The following DPP10 variants were observed in gnomAD, a reference collection of about 807,000 sequenced individuals.
DPP10 encodes the protein dipeptidyl peptidase like 10.
In DPP10, 33 loss-of-function variants were observed where a neutral mutation model predicts 120.9. That is an observed-to-expected ratio of 0.27 (90% CI 0.21 to 0.37). DPP10 has a LOEUF of 0.37. Among genes scored for constraint, DPP10 ranks in the 10% least tolerant of loss-of-function variants. The pLI is 1.00. For synonymous variants in DPP10, 337 were observed against 326.1 expected, an observed-to-expected ratio of 1.03 and a Z score of -0.36; for missense variants, 816 against 942.8, an observed-to-expected ratio of 0.87 and a Z score of 1.76.
chr2:115,659,899 CT>C (rs541474096), intron 5 of DPP10, among the ~76,000 whole-genome samples: 67 of 152,148 alleles, frequency 4.4e-4, no homozygotes, highest in Non-Finnish European at 7.9e-4. Context: ...TAAAATTTAT[CT>C]TTTTTTGTAT....
At chr2:114,527,388 G>T (rs2104705171) in intron 1 of DPP10, among the ~76,000 whole-genome samples, 1 of 152,210 alleles carries the variant, frequency 6.6e-6, no homozygotes, top group African/African-American at 2.4e-5. Flanking sequence ...CAGTCCAAAT[G>T]GGACTATTCC....
At chr2:115,117,548 C>A (rs143731834) in intron 1 of DPP10, among the ~76,000 whole-genome samples, 116 of 152,314 alleles carry the variant, frequency 7.6e-4, no homozygotes, top group African/African-American at 2.6e-3. Flanking sequence ...TTCAAGGCTG[C>A]AATGAGCTCA....
At chr2:114,684,119 G>A (rs1699214852) in intron 1 of DPP10, among the ~76,000 whole-genome samples, 1 of 151,946 alleles carries the variant, frequency 6.6e-6, no homozygotes. Context: ...ATTCCAGATA[G>A]GGAAGATTCT....
intron 3 of DPP10, among the ~76,000 whole-genome samples, chr2:115,420,315 C>T (rs1234725217): frequency 6.6e-6 from 1 of 152,082 alleles, no homozygotes; most frequent in Admixed American, 6.6e-5. Context: ...AATTTATTTT[C>T]CCCTTAATGT....
intron 1 of DPP10, among the ~76,000 whole-genome samples, chr2:115,191,160 C>G (rs2054854118): frequency 6.6e-6 from 1 of 152,122 alleles, no homozygotes. Context: ...TTTATCTGAC[C>G]ACGGGGAGGG....
At chr2:114,953,096 A>C (rs1697918346) in intron 1 of DPP10, among the ~76,000 whole-genome samples, 1 of 152,006 alleles carries the variant, frequency 6.6e-6, no homozygotes, top group Non-Finnish European at 1.5e-5. Flanking sequence ...TGTAAATACC[A>C]TTAAAATATT....
chr2:115,282,943 TA>T (rs987681351), intron 1 of DPP10, among the ~76,000 whole-genome samples: 4 of 152,100 alleles, frequency 2.6e-5, no homozygotes, highest in African/African-American at 9.7e-5. Context: ...TTGCTTTTTT[TA>T]AAAAAAGTCC....
At position 114,482,066 on chromosome 2, in the gene DPP10, T is replaced by A. The variant is rs567827982; in HGVS notation, c.60+39228T>A. Reference sequence around the variant, plus strand: ...ACCAGATCTCATGAGAACTCTAGCATGAGAACAGCATGGCATGATCCAGTC... The same window carrying A: ...ACCAGATCTCATGAGAACTCTAGCAAGAGAACAGCATGGCATGATCCAGTC... On this transcript the variant is annotated intron_variant, in intron 1 of 25. Coordinates refer to ENST00000410059, the MANE Select transcript of DPP10 (RefSeq NM_020868.6). Among the ~76,000 whole-genome samples, 28 of 151,394 alleles carry A rather than the reference T, an allele frequency of 1.8e-4. No homozygotes were observed. In the South Asian group the frequency reaches 5.4e-3, roughly 29 times the overall value.
chr2:114,905,663 A>G (rs189215078), intron 1 of DPP10, among the ~76,000 whole-genome samples: 2 of 152,258 alleles, frequency 1.3e-5, no homozygotes, highest in African/African-American at 2.4e-5. Flanking sequence ...ATATCATTTA[A>G]CCTAGCAATC....
chr2:114,690,849 C>T (rs1363042339), intron 1 of DPP10, among the ~76,000 whole-genome samples: 2 of 151,902 alleles, frequency 1.3e-5, no homozygotes, highest in Non-Finnish European at 2.9e-5. Context: ...GGAGTTCATT[C>T]ATGATTTGGC....
At chr2:115,580,636 C>T (rs975573022) in intron 5 of DPP10, among the ~76,000 whole-genome samples, 4 of 152,136 alleles carry the variant, frequency 2.6e-5, no homozygotes, top group Non-Finnish European at 5.9e-5. Context: ...GTTCTATCTA[C>T]TGGAATATTA....
intron 14 of DPP10, 48 bp downstream of exon 14, chr2:115,777,347 A>G (rs562542920): frequency 1.4e-6 from 2 of 1,475,400 alleles, no homozygotes; most frequent in East Asian, 4.6e-5. Flanking sequence ...GCGTTGTCAA[A>G]TGCCATCTTT....
chr2:114,923,782 T>C (rs1558883883), intron 1 of DPP10, among the ~76,000 whole-genome samples: 2 of 152,194 alleles, frequency 1.3e-5, no homozygotes, highest in African/African-American at 4.8e-5. Context: ...ACTTTCTTGA[T>C]GGTGTACTCA....
At chr2:115,268,499 T>C (rs1300078798) in intron 1 of DPP10, among the ~76,000 whole-genome samples, 1 of 152,188 alleles carries the variant, frequency 6.6e-6, no homozygotes, top group Admixed American at 6.5e-5. Context: ...TTTCAACAAA[T>C]TATTTAAGTA....
At chr2:115,261,699 G>A (rs1218584127) in intron 1 of DPP10, among the ~76,000 whole-genome samples, 2 of 152,120 alleles carry the variant, frequency 1.3e-5, no homozygotes, top group African/African-American at 4.8e-5. Context: ...TACATCCAGT[G>A]GTTACTATGA....
In DPP10 at chr2:114,864,950, A is replaced by G. The variant is rs536002965; in HGVS notation, c.60+422112A>G. Among the ~76,000 whole-genome samples the G allele has an allele frequency of 3.9e-5, 6 of 152,334 alleles. No individual in the cohort carries two copies. In the East Asian group the frequency reaches 1.2e-3, roughly 29 times the overall value. On this transcript the variant is annotated intron_variant, in intron 1 of 25. Coordinates refer to ENST00000410059, the MANE Select transcript of DPP10 (RefSeq NM_020868.6). ...CGTAAAAGATCTCTTTATGAAAAAA[A>G]GGTTTCTGTCTAATAGGACAGGTCA...
At chr2:115,603,122 C>CTGTGTGTG (rs61161169) in intron 5 of DPP10, among the ~76,000 whole-genome samples, 98 of 143,898 alleles carry the variant, frequency 6.8e-4, no homozygotes, top group Non-Finnish European at 1.3e-3. Flanking sequence ...ATAAATAAAA[C>CTGTGTGTG]TGTGTGTGTG....
chr2:114,721,556 T>C lies in DPP10; in HGVS notation c.60+278718T>C, dbSNP rs2105907148. On this transcript the variant is annotated intron_variant, in intron 1 of 25. Coordinates refer to ENST00000410059, the MANE Select transcript of DPP10 (RefSeq NM_020868.6). ...AGCTCTGCTCTCATTCTTCTTGACC[T>C]GCTTCTCTTCATCACCCAATTGTGA... Among the ~76,000 whole-genome samples the C allele has an allele frequency of 1.3e-5, 2 of 152,316 alleles. 1 individual carries two copies. Among genetic ancestry groups the C allele is most frequent in the South Asian group, 4.1e-4 (2 of 4,830 alleles).
At chr2:115,317,129 C>T (rs1365092598) in intron 2 of DPP10, among the ~76,000 whole-genome samples, 1 of 152,052 alleles carries the variant, frequency 6.6e-6, no homozygotes, top group Non-Finnish European at 1.5e-5. Context: ...ACATATTCAT[C>T]ACCCCAAAAG....
Sources: gnomAD v4.1 joint callset for allele counts (sites outside exome capture counted in the v4.1 genomes callset) on GRCh38, gnomAD v4.1.1 for gene constraint, MANE v1.5 for transcripts, NCBI Gene and HGNC (gene_info 2026-07-23, HGNC 2026-07-21) for gene names.